ERICH6: variants seen among roughly 807,000 people sequenced by gnomAD.
ERICH6 encodes the protein glutamate-rich protein 6.
In ERICH6, 71 loss-of-function variants were observed where a neutral mutation model predicts 71.0. The observed-to-expected ratio is 1.00, with a 90% CI of 0.83 to 1.22. The LOEUF (loss-of-function observed/expected upper bound fraction) is 1.22, where lower values mean the gene tolerates loss of function less well. Ranked by LOEUF, ERICH6 falls within the 50% of genes most tolerant of loss-of-function variation. ERICH6 has a pLI of 0.00. For synonymous variants in ERICH6, 262 were observed against 278.4 expected (o/e 0.94, Z 0.59); for missense variants, 808 against 797.2 (o/e 1.01, Z -0.16).
At chr3:150,681,316 C>T (rs76779869) in intron 7 of ERICH6, among the ~76,000 whole-genome samples, 21,614 of 152,136 alleles carry the variant, frequency 0.14, 1,706 homozygotes, top group Non-Finnish European at 0.16. Context: ...TATGTCTGGC[C>T]TCTTTCACTT....
At chr3:150,698,626 T>C (rs1712742576) in intron 3 of ERICH6, among the ~76,000 whole-genome samples, 165 bp downstream of exon 3, 1 of 152,206 alleles carries the variant, frequency 6.6e-6, no homozygotes, top group African/African-American at 2.4e-5. Context: ...TTCCAAGAGA[T>C]GAAGAAAGTA....
In ERICH6 at chr3:150,666,755, A is replaced by T. The variant is rs200471791; in HGVS notation, c.1728+32T>A. On this transcript the variant is annotated intron_variant, in intron 13 of 13. Coordinates refer to ENST00000295910, the MANE Select transcript of ERICH6 (RefSeq NM_152394.5). ...TAGTTTACTCTTATTATTATTCTAA[A>T]TGCTTTAAACTGTTTTTAAAAATGT... is the stretch of plus-strand genomic sequence containing the variant. The T allele has an allele frequency of 1.3e-4, 210 of 1,574,272 alleles. 1 individual carries two copies. In the East Asian group the frequency reaches 4.0e-3, roughly 30 times the overall value.
At chr3:150,701,570 A>G (rs1363556194) in intron 2 of ERICH6, among the ~76,000 whole-genome samples, 2 of 152,232 alleles carry the variant, frequency 1.3e-5, no homozygotes, top group African/African-American at 4.8e-5. Context: ...TAAGAATTCA[A>G]AAGTTGCTTA....
intron 10 of ERICH6, among the ~76,000 whole-genome samples, chr3:150,676,602 G>T (rs1711664591): frequency 6.6e-6 from 1 of 152,082 alleles, no homozygotes; most frequent in African/African-American, 2.4e-5. Context: ...ATTTACTTCT[G>T]CCAGTCACCT....
Position 150,667,004 on chromosome 3 carries a change from T to A in ERICH6, c.1511A>T (p.Asn504Ile). 6.2e-7 allele frequency: 1 copy of A among 1,613,928 alleles called. No homozygotes were observed. The highest frequency in any genetic ancestry group is 8.5e-7 in the Non-Finnish European group (1 of 1,179,906). ...ATCTGAATATTGACCTCCCAAGATA[T>A]TGATGTATACCCTGGTCAGGAAGGA... is the stretch of plus-strand genomic sequence containing the variant. Reference protein sequence around the residue: ...HPNGNVWVYINILGGQYSDQA... With the variant: ...HPNGNVWVYIIILGGQYSDQA... The change falls in exon 13 of 14, where the codon AAT becomes ATT. Residue 504 changes from asparagine to isoleucine, a missense_variant. Coordinates refer to ENST00000295910, the MANE Select transcript of ERICH6 (RefSeq NM_152394.5).
At position 150,666,850 on chromosome 3, in the gene ERICH6, CT is replaced by C; in HGVS notation, c.1664del (p.Lys555ArgfsTer4). 6.2e-7 allele frequency: 1 copy of C among 1,614,120 alleles called. No homozygotes were observed. Among genetic ancestry groups the C allele is most frequent in the Non-Finnish European group, 8.5e-7 (1 of 1,180,022 alleles). ...CCATTGCTAGAAAAGTTATAGAAAT[CT>C]TGTCTTGTTCTAAGATGCGGACTCC... ...YIGVRILEQD[K>X]ISITFLAMGQ... On this transcript the variant is annotated frameshift_variant, in exon 13 of 14. Transcript: ENST00000295910. LOFTEE classifies it high-confidence loss of function.
Position 150,703,518 on chromosome 3 carries a change from G to A in ERICH6, c.381C>T (p.Pro127=). ...TACTTTTATGCGAGGAGGTGCTGGA[G>A]GGTGGGCTTGCGCTCGGCGTTTCAG... ...TSTETPSASP[P]SSTSSHKSFP... The change falls in exon 1 of 14, where the codon CCC becomes CCT. Residue 127 remains proline (P), a synonymous_variant. Coordinates refer to ENST00000295910, the MANE Select transcript of ERICH6 (RefSeq NM_152394.5). The A allele has an allele frequency of 6.2e-7, 1 of 1,607,708 alleles. No individual in the cohort carries two copies. The highest frequency in any genetic ancestry group is 1.3e-5 in the African/African-American group (1 of 74,962).
intron 11 of ERICH6, among the ~76,000 whole-genome samples, chr3:150,670,862 C>G (rs917854524): frequency 2.0e-5 from 3 of 152,250 alleles, no homozygotes; most frequent in Non-Finnish European, 2.9e-5. Flanking sequence ...GAAATAAACA[C>G]AAGATTGATT....
At chr3:150,661,883 A>AAAAC (rs1423191666) in intron 13 of ERICH6, among the ~76,000 whole-genome samples, 1 of 152,180 alleles carries the variant, frequency 6.6e-6, no homozygotes, top group African/African-American at 2.4e-5. Context: ...CCTGTCTCTA[A>AAAAC]AAACAAACAA....
At chr3:150,702,760 C>CT (rs1246687344) in intron 1 of ERICH6, among the ~76,000 whole-genome samples, 2 of 149,828 alleles carry the variant, frequency 1.3e-5, no homozygotes, top group Non-Finnish European at 3.0e-5. Flanking sequence ...TTCTCTGCTT[C>CT]TTTTTTCAAG....
At chr3:150,690,119 C>T (rs1712367049) in intron 3 of ERICH6, among the ~76,000 whole-genome samples, 1 of 152,066 alleles carries the variant, frequency 6.6e-6, no homozygotes, top group Non-Finnish European at 1.5e-5. Flanking sequence ...GGGCTTTGCC[C>T]AGAGCTCAGC....
At chr3:150,662,214 G>A (rs1727249949) in intron 13 of ERICH6, among the ~76,000 whole-genome samples, 1 of 152,206 alleles carries the variant, frequency 6.6e-6, no homozygotes, top group African/African-American at 2.4e-5. Context: ...GAGCGAATGA[G>A]TGAGGGGAAA....
At position 150,682,394 on chromosome 3, in the gene ERICH6, C is replaced by T. The variant is rs1712005906; in HGVS notation, c.784-78G>A. 3.8e-6 allele frequency: 4 copies of T among 1,038,964 alleles called. No homozygotes were observed. The South Asian group carries it at 4.0e-5, about 10-fold the overall frequency. The allele number at this position is 1,038,964 out of a possible 1,614,324, so 64.4% of individuals were successfully genotyped here. ...GCTCTGAGAGCAGCAGGAGCACGAC[C>T]CTGGGCATGGTCAGTGAATGGAACA... On this transcript the variant is annotated intron_variant, in intron 6 of 13. Transcript: ENST00000295910.
chr3:150,673,212 T>G (rs752917460), intron 11 of ERICH6, among the ~76,000 whole-genome samples: 6 of 151,348 alleles, frequency 4.0e-5, no homozygotes, highest in Non-Finnish European at 8.8e-5. Context: ...CTTTCTTTCT[T>G]GGTCTTGCTC....
chr3:150,674,186 C>T (rs772419370), intron 10 of ERICH6, 145 bp from the exon 11 acceptor site: 52 of 599,208 alleles, frequency 8.7e-5, no homozygotes, highest in Admixed American at 3.4e-4. Context: ...CAACAGGAGA[C>T]AACCCTTAGC....
chr3:150,663,709 C>G (rs2108036839), intron 13 of ERICH6, among the ~76,000 whole-genome samples: 1 of 152,232 alleles, frequency 6.6e-6, no homozygotes, highest in Middle Eastern at 3.4e-3. Flanking sequence ...CACTCCTGGG[C>G]TCAAGTAATG....
chr3:150,699,074 GA>G (rs1712761995), intron 2 of ERICH6, among the ~76,000 whole-genome samples, 192 bp from the exon 3 acceptor site: 1 of 151,928 alleles, frequency 6.6e-6, no homozygotes, highest in Non-Finnish European at 1.5e-5. Flanking sequence ...TTTTTGGGGG[GA>G]TAAGCTGGGA....
At chr3:150,688,983 G>A (rs376881336) in intron 3 of ERICH6, among the ~76,000 whole-genome samples, 1 of 152,064 alleles carries the variant, frequency 6.6e-6, no homozygotes, top group African/African-American at 2.4e-5. Context: ...TCAGATTTTC[G>A]GGGTTCACAT....
At chr3:150,674,090 T>C in intron 10 of ERICH6, 49 bp from the exon 11 acceptor site, 1 of 1,499,750 alleles carries the variant, frequency 6.7e-7, no homozygotes, top group Non-Finnish European at 9.2e-7. Flanking sequence ...GGACATAAAG[T>C]AGTAAGTACG....
Sources: allele counts gnomAD v4.1 joint callset (sites outside exome capture counted in the v4.1 genomes callset), GRCh38; gene constraint gnomAD v4.1.1; transcripts MANE v1.5; gene names NCBI Gene and HGNC (gene_info 2026-07-23, HGNC 2026-07-21).